DRC11: variants seen among roughly 807,000 people sequenced by gnomAD.
DRC11 encodes dynein regulatory complex subunit 11.
the DRC11 span, among the ~76,000 whole-genome samples, chr2:236,358,236 ATAAT>A: frequency 7.6e-6 from 1 of 131,218 alleles, no homozygotes; most frequent in African/African-American, 3.0e-5. Flanking sequence ...GTATGAATAT[ATAAT>A]ATATAGATGT....
At chr2:236,327,391 T>C in the DRC11 span, among the ~76,000 whole-genome samples, 3 of 151,382 alleles carry the variant, frequency 2.0e-5, no homozygotes, top group Non-Finnish European at 4.4e-5. Flanking sequence ...ACTACACACG[T>C]GCACCACCAT....
chr2:236,354,745 C>G, the DRC11 span, among the ~76,000 whole-genome samples: 1 of 152,206 alleles, frequency 6.6e-6, no homozygotes, highest in African/African-American at 2.4e-5. Context: ...TGGTGATTGA[C>G]AGCCTGCAGA....
At chr2:236,358,816 G>A in the DRC11 span, among the ~76,000 whole-genome samples, 17 of 148,438 alleles carry the variant, frequency 1.1e-4, no homozygotes, top group Admixed American at 5.3e-4. Flanking sequence ...TGGATTTCAC[G>A]CTAGGTCAGG....
At chr2:236,501,326 G>C in the DRC11 span, among the ~76,000 whole-genome samples, 1 of 152,040 alleles carries the variant, frequency 6.6e-6, no homozygotes, top group African/African-American at 2.4e-5. Context: ...AGTTGGGTGG[G>C]GACACAAATC....
chr2:236,358,040 A>G, the DRC11 span, among the ~76,000 whole-genome samples: 4 of 119,346 alleles, frequency 3.4e-5, no homozygotes, highest in Non-Finnish European at 4.7e-5. Flanking sequence ...ATATATATTT[A>G]TAATATATAG....
the DRC11 span, among the ~76,000 whole-genome samples, chr2:236,492,556 C>T: frequency 6.6e-6 from 1 of 152,220 alleles, no homozygotes; most frequent in Non-Finnish European, 1.5e-5. Context: ...CCTGCAGTTG[C>T]AGCCTCAGCA....
At chr2:236,340,021 C>T in the DRC11 span, among the ~76,000 whole-genome samples, 1 of 152,220 alleles carries the variant, frequency 6.6e-6, no homozygotes, top group African/African-American at 2.4e-5. Context: ...AGTCTTTCAA[C>T]CAATGAATAC....
chr2:236,383,417 G>A, the DRC11 span, among the ~76,000 whole-genome samples: 2 of 151,702 alleles, frequency 1.3e-5, no homozygotes, highest in Non-Finnish European at 2.9e-5. Flanking sequence ...TTTTCCTATT[G>A]TCTATCTATT....
At chr2:236,507,242 G>A in the DRC11 span, 1 of 1,613,920 alleles carries the variant, frequency 6.2e-7, no homozygotes, top group Non-Finnish European at 8.5e-7. Context: ...CTGTGGCTGG[G>A]AGCCCATCAC....
chr2:236,382,471 A>G, the DRC11 span, among the ~76,000 whole-genome samples: 2 of 152,144 alleles, frequency 1.3e-5, no homozygotes, highest in African/African-American at 4.8e-5. Context: ...AAATTTGTCT[A>G]TGTCTACAAA....
chr2:236,373,694 C>T, the DRC11 span, among the ~76,000 whole-genome samples: 2 of 152,118 alleles, frequency 1.3e-5, no homozygotes, highest in Non-Finnish European at 2.9e-5. Context: ...TTTTCCATTG[C>T]TCAAATTTAT....
the DRC11 span, among the ~76,000 whole-genome samples, chr2:236,348,540 G>C: frequency 1.3e-4 from 18 of 141,026 alleles, no homozygotes; most frequent in African/African-American, 5.1e-4. The surrounding 1 kb of genome is among the most constrained non-coding windows in gnomAD (Gnocchi z 7.4). Context: ...GAGTCTCACA[G>C]TAGCAGGTAA....
At chr2:236,459,652 T>TGTATATACATATGTATATACGTATATAC in the DRC11 span, among the ~76,000 whole-genome samples, 2 of 103,804 alleles carry the variant, frequency 1.9e-5, no homozygotes, top group African/African-American at 6.7e-5. Context: ...TACGTATATA[T>TGTATATACATATGTATATACGTATATAC]GTATATACAT....
At chr2:236,373,466 G>C in the DRC11 span, among the ~76,000 whole-genome samples, 2 of 152,090 alleles carry the variant, frequency 1.3e-5, no homozygotes, top group African/African-American at 2.4e-5. Flanking sequence ...GGCCAGGCTG[G>C]TCTGGAACTC....
At chr2:236,340,876 G>T in the DRC11 span, among the ~76,000 whole-genome samples, 1 of 152,168 alleles carries the variant, frequency 6.6e-6, no homozygotes, top group African/African-American at 2.4e-5. Context: ...CCCATGAACA[G>T]GGGACAGAAA....
the DRC11 span, chr2:236,368,061 C>T: frequency 1.4e-6 from 1 of 695,102 alleles, no homozygotes; most frequent in East Asian, 2.7e-5. Context: ...TGAAACTGTG[C>T]CCACTCAGAA....
At chr2:236,344,705 C>T in the DRC11 span, 1 of 1,264,970 alleles carries the variant, frequency 7.9e-7, no homozygotes, top group Non-Finnish European at 1.1e-6. Context: ...GTGCAGAGCC[C>T]TGGTTGTAAA....
the DRC11 span, among the ~76,000 whole-genome samples, chr2:236,345,606 CT>C: frequency 6.6e-6 from 1 of 152,176 alleles, no homozygotes; most frequent in Non-Finnish European, 1.5e-5. Context: ...TAGGCTCCCC[CT>C]GAAAGGTGGC....
chr2:236,340,648 G>C, the DRC11 span, among the ~76,000 whole-genome samples: 1 of 152,142 alleles, frequency 6.6e-6, no homozygotes, highest in Non-Finnish European at 1.5e-5. Context: ...AATCCATGGG[G>C]GTAGAGACAC....
Sources: allele counts gnomAD v4.1 joint callset (sites outside exome capture counted in the v4.1 genomes callset), GRCh38; gene constraint gnomAD v4.1.1; non-coding constraint Gnocchi (gnomAD v3.1); transcripts MANE v1.5; gene names NCBI Gene and HGNC (gene_info 2026-07-23, HGNC 2026-07-21).